RYR2: variants seen among roughly 807,000 people sequenced by gnomAD.
RYR2 encodes the protein ryanodine receptor 2, also known as cardiac muscle ryanodine receptor-calcium release channel.
In RYR2, 227 loss-of-function variants were observed where a neutral mutation model predicts 601.1. The observed-to-expected ratio is 0.38, with a 90% CI of 0.34 to 0.42. The LOEUF (loss-of-function observed/expected upper bound fraction) is 0.42, where lower values mean the gene tolerates loss of function less well. Among genes scored for constraint, RYR2 ranks in the 10% least tolerant of loss-of-function variants. The pLI is 1.00. For missense variants in RYR2, 4,646 were observed against 6,156.5 expected (o/e 0.75, Z 8.21); for synonymous variants, 2,223 against 2,175.1 (o/e 1.02, Z -0.61).
chr1:237,481,941 A>G (rs1460663527), intron 17 of RYR2, among the ~76,000 whole-genome samples: 1 of 150,974 alleles, frequency 6.6e-6, no homozygotes, highest in Non-Finnish European at 1.5e-5. Context: ...TTCTTTTTTC[A>G]TGATGTTGGT....
intron 1 of RYR2, among the ~76,000 whole-genome samples, chr1:237,119,722 G>A (rs1455221274): frequency 6.6e-6 from 1 of 152,180 alleles, no homozygotes; most frequent in Admixed American, 6.5e-5. Context: ...TACTAAAGTG[G>A]AGGACCTGCC....
intron 1 of RYR2, among the ~76,000 whole-genome samples, chr1:237,216,007 T>C (rs1478260104): frequency 6.6e-6 from 1 of 152,232 alleles, no homozygotes; most frequent in Non-Finnish European, 1.5e-5. Flanking sequence ...CTTCAGTTTG[T>C]TCTAGTTATT....
At chr1:237,723,747 A>C (rs991511486) in intron 74 of RYR2, among the ~76,000 whole-genome samples, 2 of 152,164 alleles carry the variant, frequency 1.3e-5, no homozygotes, top group Non-Finnish European at 2.9e-5. Context: ...AATCAGGAAC[A>C]AATTACACTT....
chr1:237,794,029 C>G (rs1658786785), intron 95 of RYR2, 32 bp downstream of exon 95: 1 of 1,580,294 alleles, frequency 6.3e-7, no homozygotes, highest in South Asian at 1.2e-5. Flanking sequence ...ACTTTCTGCA[C>G]TCAAAAATTT....
At chr1:237,544,214 AT>A (rs1321677915) in intron 25 of RYR2, among the ~76,000 whole-genome samples, 2 of 152,132 alleles carry the variant, frequency 1.3e-5, no homozygotes, top group African/African-American at 4.8e-5. Flanking sequence ...TTAATTTCAT[AT>A]ATATTCCTCA....
intron 1 of RYR2, among the ~76,000 whole-genome samples, chr1:237,138,523 T>A (rs915658413): frequency 6.6e-6 from 1 of 152,160 alleles, no homozygotes; most frequent in Non-Finnish European, 1.5e-5. Context: ...GAAAAATAAG[T>A]GGGAAATTTT....
intron 1 of RYR2, among the ~76,000 whole-genome samples, chr1:237,133,710 G>A (rs1385382140): frequency 6.6e-6 from 1 of 152,050 alleles, no homozygotes; most frequent in African/African-American, 2.4e-5. Flanking sequence ...GGTGGATCAT[G>A]AGGTCAGAAG....
intron 79 of RYR2, among the ~76,000 whole-genome samples, chr1:237,742,072 A>G (rs1196513659): frequency 6.6e-6 from 1 of 152,226 alleles, no homozygotes; most frequent in Non-Finnish European, 1.5e-5. Context: ...TGTTACCTAT[A>G]AAATATGTAA....
rs189469732 is a variant in RYR2 at position 237,735,789 on chromosome 1, A to G, written c.11091+2033A>G. On this transcript the variant is annotated intron_variant, in intron 79 of 104. Transcript: ENST00000366574. ...CTAATACAATGTAAATGCCAAGTAA[A>G]TAGTTGTTCAACTCTATCATATTGT... 1.6e-3 allele frequency among the ~76,000 whole-genome samples: 246 copies of G among 152,312 alleles called. 1 individual carries two copies. The highest frequency in any genetic ancestry group is 3.4e-3 in the Middle Eastern group (1 of 294).
chr1:237,558,862 T>C lies in RYR2; in HGVS notation c.3215-7705T>C, dbSNP rs562753549. Among the ~76,000 whole-genome samples the C allele has an allele frequency of 4.3e-4, 66 of 152,278 alleles. 1 individual carries two copies. Among genetic ancestry groups the C allele is most frequent in the African/African-American group, 1.5e-3 (61 of 41,562 alleles). ...CTTCAAGTTCATTGATTCTTGTCAG[T>C]GCAAATCTGTTGTTGAGCCCTCTGA... On this transcript the variant is annotated intron_variant, in intron 27 of 104. Coordinates refer to ENST00000366574, the MANE Select transcript of RYR2 (RefSeq NM_001035.3).
intron 13 of RYR2, among the ~76,000 whole-genome samples, chr1:237,444,353 G>A (rs979536453): frequency 2.6e-5 from 4 of 151,922 alleles, no homozygotes; most frequent in South Asian, 2.1e-4. Flanking sequence ...ATTAATCAGG[G>A]CACTTAAGGC....
At chr1:237,327,066 A>G (rs1256481619) in intron 2 of RYR2, among the ~76,000 whole-genome samples, 2 of 152,250 alleles carry the variant, frequency 1.3e-5, no homozygotes, top group Non-Finnish European at 1.5e-5. Flanking sequence ...GATTCTGTTT[A>G]AAATAACTAG....
At chr1:237,643,035 A>G (rs1415785305) in intron 47 of RYR2, among the ~76,000 whole-genome samples, 1 of 152,230 alleles carries the variant, frequency 6.6e-6, no homozygotes, top group Non-Finnish European at 1.5e-5. Context: ...TCAGATTCTC[A>G]GTATATCTTA....
intron 38 of RYR2, among the ~76,000 whole-genome samples, chr1:237,621,880 GA>G (rs1679112080): frequency 1.3e-5 from 2 of 152,158 alleles, no homozygotes; most frequent in African/African-American, 2.4e-5. Flanking sequence ...ACTTAAGGAT[GA>G]GGGGCAGACA....
At position 237,128,257 on chromosome 1, in the gene RYR2, G is replaced by A. The variant is rs928157102; in HGVS notation, c.48+85688G>A. 4.6e-5 allele frequency among the ~76,000 whole-genome samples: 7 copies of A among 152,232 alleles called. No individual in the cohort carries two copies. The East Asian group carries it at 5.8e-4, about 13-fold the overall frequency. On this transcript the variant is annotated intron_variant, in intron 1 of 104. Coordinates refer to ENST00000366574, the MANE Select transcript of RYR2 (RefSeq NM_001035.3). Reference sequence around the variant, plus strand: ...GGCGTGGCGGCACGAGCCTGCGATCGCAGGCACTCGGCAGGCTGAGTCAGG... The same window carrying A: ...GGCGTGGCGGCACGAGCCTGCGATCACAGGCACTCGGCAGGCTGAGTCAGG...
rs190291434 is a variant in RYR2 at position 237,551,613 on chromosome 1, C to T, written c.3214+922C>T. Among the ~76,000 whole-genome samples the T allele has an allele frequency of 4.1e-3, 617 of 151,082 alleles. 3 individuals are homozygous for T. In the Middle Eastern group the frequency reaches 0.066, roughly 16 times the overall value. Reference sequence around the variant, plus strand: ...TCCTGCAGTCTGAGTTAGTTTAATACCCATTTTCAAAAAATTGGCAAAAAA... The same window carrying T: ...TCCTGCAGTCTGAGTTAGTTTAATATCCATTTTCAAAAAATTGGCAAAAAA... On this transcript the variant is annotated intron_variant, in intron 27 of 104. Coordinates refer to ENST00000366574, the MANE Select transcript of RYR2 (RefSeq NM_001035.3).
chr1:237,302,061 A>G (rs189468178), intron 2 of RYR2, among the ~76,000 whole-genome samples: 1 of 152,306 alleles, frequency 6.6e-6, no homozygotes, highest in Non-Finnish European at 1.5e-5. Flanking sequence ...GAATTCAGAC[A>G]TAATTTAAAT....
At chr1:237,418,811 T>C (rs1043180059) in intron 11 of RYR2, among the ~76,000 whole-genome samples, 9 of 152,066 alleles carry the variant, frequency 5.9e-5, no homozygotes, top group Non-Finnish European at 1.0e-4. Flanking sequence ...AATAACTAAT[T>C]GAAAACATTA....
intron 1 of RYR2, among the ~76,000 whole-genome samples, chr1:237,177,861 A>G (rs1172497424): frequency 1.3e-5 from 2 of 152,196 alleles, no homozygotes; most frequent in Non-Finnish European, 2.9e-5. Context: ...GATAATACCA[A>G]ATTATTTTCC....
Sources: allele counts gnomAD v4.1 joint callset (sites outside exome capture counted in the v4.1 genomes callset), GRCh38; gene constraint gnomAD v4.1.1; transcripts MANE v1.5; gene names NCBI Gene and HGNC (gene_info 2026-07-23, HGNC 2026-07-21).